The following SNX4 variants were observed in gnomAD, a reference collection of about 807,000 sequenced individuals.
SNX4 encodes the protein sorting nexin-4.
In SNX4, 49 loss-of-function variants were observed where a neutral mutation model predicts 70.8. The ratio of observed to expected loss-of-function variants is 0.69; its 90% CI spans 0.55 to 0.88. The LOEUF (loss-of-function observed/expected upper bound fraction) is 0.88, where lower values mean the gene tolerates loss of function less well. SNX4 is among the 40% of genes least tolerant of loss of function. The pLI is 0.00. For missense variants in SNX4, 528 were observed against 544.8 expected (o/e 0.97, Z 0.31); for synonymous variants, 206 against 183.8 (o/e 1.12, Z -0.98).
intron 7 of SNX4, among the ~76,000 whole-genome samples, chr3:125,479,909 T>C (rs1165038166): frequency 6.6e-6 from 1 of 152,104 alleles, no homozygotes; most frequent in African/African-American, 2.4e-5. Context: ...CTATAAACTA[T>C]TTCACGGACC....
At chr3:125,497,187 T>C (rs1186161369) in intron 5 of SNX4, among the ~76,000 whole-genome samples, 154 bp downstream of exon 5, 2 of 152,180 alleles carry the variant, frequency 1.3e-5, no homozygotes, top group Non-Finnish European at 2.9e-5. Flanking sequence ...CAAAAGTGAA[T>C]TGTAGTGTTT....
intron 10 of SNX4, among the ~76,000 whole-genome samples, chr3:125,459,149 G>C (rs1933810264): frequency 6.6e-6 from 1 of 151,992 alleles, no homozygotes. Flanking sequence ...ACTCCAGTCT[G>C]GGCAACAGAG....
At chr3:125,519,026 A>AAATT (rs1392692366) in intron 1 of SNX4, among the ~76,000 whole-genome samples, 7 of 149,894 alleles carry the variant, frequency 4.7e-5, no homozygotes, top group African/African-American at 7.5e-5. Flanking sequence ...ATAAATAAAT[A>AAATT]AATTAATTAA....
chr3:125,513,884 G>A (rs1296097771), intron 1 of SNX4, among the ~76,000 whole-genome samples: 3 of 152,152 alleles, frequency 2.0e-5, no homozygotes, highest in Non-Finnish European at 4.4e-5. Context: ...TGGGTGATTT[G>A]TAAACAACAG....
chr3:125,495,277 T>TATATATATATACATACAC, intron 5 of SNX4, among the ~76,000 whole-genome samples: 1,603 of 99,480 alleles, frequency 0.016, 55 homozygotes, highest in Non-Finnish European at 0.024. Flanking sequence ...TATATATATA[T>TATATATATATACATACAC]ACACATACAC....
At chr3:125,455,877 C>T (rs1330155560) in intron 11 of SNX4, among the ~76,000 whole-genome samples, 2 of 151,940 alleles carry the variant, frequency 1.3e-5, no homozygotes, top group Non-Finnish European at 1.5e-5. Flanking sequence ...ATTGGTCGGG[C>T]GTGGTGGCAG....
At chr3:125,510,342 C>T (rs4679398) in intron 1 of SNX4, among the ~76,000 whole-genome samples, 81,996 of 151,494 alleles carry the variant, frequency 0.54, 23,842 homozygotes, top group African/African-American at 0.77. Flanking sequence ...ACCATTCTCC[C>T]GTCTCAGCCT....
chr3:125,498,114 C>T lies in SNX4; in HGVS notation c.344G>A (p.Ser115Asn), dbSNP rs1470526509. 4.3e-6 allele frequency: 7 copies of T among 1,614,014 alleles called. No homozygotes were observed. The Admixed American group carries it at 1.2e-4, about 27-fold the overall frequency. Residue 115 changes from serine (S) to asparagine (N), a missense_variant, in exon 3 of 14, where the codon AGC (serine) becomes AAC (asparagine). By Grantham distance (46) the Ser-to-Asn change is conservative (BLOSUM62 1). Coordinates refer to ENST00000251775, the MANE Select transcript of SNX4 (RefSeq NM_003794.4). ...ATGTGGATAGTAAACTAAAAGGTAG[C>T]TTCTCAACAACTCAAATTCACTATA... ...RRYSEFELLR[S>N]YLLVYYPHIV...
At chr3:125,455,996 C>T (rs540816047) in intron 11 of SNX4, among the ~76,000 whole-genome samples, 37 of 152,236 alleles carry the variant, frequency 2.4e-4, no homozygotes, top group African/African-American at 3.1e-4. Context: ...GAGCGAAACT[C>T]GGTCTAAAAA....
chr3:125,497,237 T>A (rs1934815670), intron 5 of SNX4, 104 bp downstream of exon 5: 1 of 655,432 alleles, frequency 1.5e-6, no homozygotes, highest in Admixed American at 3.3e-5. Flanking sequence ...GTAAGACGAT[T>A]TCCAACATTC....
In SNX4 at chr3:125,475,295, A is replaced by C. The variant is rs1206027996; in HGVS notation, c.788+1400T>G. On this transcript the variant is annotated intron_variant, in intron 8 of 13. Coordinates refer to ENST00000251775, the MANE Select transcript of SNX4 (RefSeq NM_003794.4). ...CAAATAAATTATAGCTGAATCAAAA[A>C]TTTATGAAACCACAAAATACAGAAG... Among the ~76,000 whole-genome samples, 4 of 152,230 alleles carry C rather than the reference A, an allele frequency of 2.6e-5. No homozygotes were observed. The East Asian group carries it at 7.7e-4, about 29-fold the overall frequency.
At chr3:125,476,540 G>A (rs576967986) in intron 8 of SNX4, among the ~76,000 whole-genome samples, 155 bp downstream of exon 8, 14 of 152,228 alleles carry the variant, frequency 9.2e-5, no homozygotes, top group African/African-American at 3.1e-4. Flanking sequence ...CATTGCATCA[G>A]CCTGGGTGAC....
chr3:125,518,703 C>T (rs1005866056), intron 1 of SNX4, among the ~76,000 whole-genome samples: 4 of 151,934 alleles, frequency 2.6e-5, no homozygotes, highest in Admixed American at 6.6e-5. Context: ...CCCATCTCTA[C>T]AAAAAATACA....
Position 125,457,257 on chromosome 3 carries a change from A to T in SNX4, c.1044+9T>A. 6.2e-7 allele frequency: 1 copy of T among 1,607,004 alleles called. No individual in the cohort carries two copies. Among genetic ancestry groups the T allele is most frequent in the Non-Finnish European group, 8.5e-7 (1 of 1,173,588 alleles). On this transcript the variant is annotated intron_variant, in intron 11 of 13. Coordinates refer to ENST00000251775, the MANE Select transcript of SNX4 (RefSeq NM_003794.4). Reference sequence around the variant, plus strand: ...CAGTATCATCAGAGGCCAAAAGGAAAATACTCACCCCAGTTACCAGTTCCT... The same window carrying T: ...CAGTATCATCAGAGGCCAAAAGGAATATACTCACCCCAGTTACCAGTTCCT...
At chr3:125,489,657 T>G (rs776338458) in intron 5 of SNX4, among the ~76,000 whole-genome samples, 194 bp from the exon 6 acceptor site, 5 of 152,178 alleles carry the variant, frequency 3.3e-5, no homozygotes, top group Admixed American at 3.3e-4. Flanking sequence ...TACTATAAAA[T>G]AGACTGAATA....
chr3:125,491,868 G>A (rs1169765517), intron 5 of SNX4, among the ~76,000 whole-genome samples: 2 of 152,086 alleles, frequency 1.3e-5, no homozygotes, highest in Non-Finnish European at 2.9e-5. Flanking sequence ...CAGCACTTTG[G>A]GAGGCTGAGG....
intron 9 of SNX4, 85 bp downstream of exon 9, chr3:125,469,369 G>T: frequency 2.2e-6 from 2 of 905,666 alleles, no homozygotes; most frequent in South Asian, 1.5e-5. Flanking sequence ...CAGCAAACTT[G>T]ATAAAAACAG....
intron 6 of SNX4, among the ~76,000 whole-genome samples, chr3:125,487,723 C>T (rs1934562351): frequency 6.6e-6 from 1 of 150,478 alleles, no homozygotes; most frequent in Non-Finnish European, 1.5e-5. Flanking sequence ...AGAAGCCAAT[C>T]TCAATGTTGA....
chr3:125,487,826 T>C (rs558258640), intron 6 of SNX4, among the ~76,000 whole-genome samples: 2 of 151,346 alleles, frequency 1.3e-5, no homozygotes, highest in South Asian at 2.1e-4. Flanking sequence ...AGGGAGGAGA[T>C]GAACAGGTGC....
Sources: allele counts gnomAD v4.1 joint callset (sites outside exome capture counted in the v4.1 genomes callset), GRCh38; gene constraint gnomAD v4.1.1; transcripts MANE v1.5; gene names NCBI Gene and HGNC (gene_info 2026-07-23, HGNC 2026-07-21).